TPD52L1: variants seen among roughly 807,000 people sequenced by gnomAD.
TPD52L1 encodes tumor protein D53.
Under a neutral mutation model 28.7 loss-of-function variants are expected in TPD52L1, and 18 were observed. That is an observed-to-expected ratio of 0.63 (90% CI 0.43 to 0.93). The LOEUF (loss-of-function observed/expected upper bound fraction) is 0.93. Among genes scored for constraint, TPD52L1 ranks in the 40% least tolerant of loss-of-function variants. The pLI is 0.00. For synonymous variants in TPD52L1, 75 were observed against 88.8 expected (o/e 0.84, Z 0.88); for missense variants, 203 against 254.8 (o/e 0.80, Z 1.39).
intron 1 of TPD52L1, among the ~76,000 whole-genome samples, chr6:125,165,937 T>C (rs1790873479): frequency 6.6e-6 from 1 of 152,188 alleles, no homozygotes; most frequent in African/African-American, 2.4e-5. Context: ...AATCTCAGTA[T>C]TTTAAAATAA....
At position 125,192,749 on chromosome 6, in the gene TPD52L1, C is replaced by T. The variant is rs190419361; in HGVS notation, c.20-27329C>T. ...TGCTGCATACGGTCGGCTTTGGTGG[C>T]GGGCCTGAGTCTGCACCCAGATGGA... On this transcript the variant is annotated intron_variant, in intron 1 of 6. Transcript: ENST00000534000. Among the ~76,000 whole-genome samples the T allele has an allele frequency of 6.3e-4, 96 of 152,276 alleles. 1 individual carries two copies. Among genetic ancestry groups the T allele is most frequent in the Middle Eastern group, 3.4e-3 (1 of 294 alleles).
intron 3 of TPD52L1, among the ~76,000 whole-genome samples, chr6:125,237,746 C>T (rs1796356459): frequency 6.7e-6 from 1 of 149,438 alleles, no homozygotes; most frequent in African/African-American, 2.5e-5. Context: ...TGGGTTCAAG[C>T]AATTCTCCTG....
intron 1 of TPD52L1, among the ~76,000 whole-genome samples, chr6:125,209,264 C>T (rs1794352735): frequency 6.6e-6 from 1 of 152,208 alleles, no homozygotes. Context: ...TGAACCCAGC[C>T]TCAAACATTG....
intron 3 of TPD52L1, among the ~76,000 whole-genome samples, chr6:125,231,672 GGGATA>G: frequency 6.6e-6 from 1 of 152,174 alleles, no homozygotes; most frequent in South Asian, 2.1e-4. Context: ...ATGGACAAGG[GGGATA>G]GAAAGGATTT....
At chr6:125,236,238 T>A (rs1796255110) in intron 3 of TPD52L1, among the ~76,000 whole-genome samples, 1 of 152,194 alleles carries the variant, frequency 6.6e-6, no homozygotes, top group Non-Finnish European at 1.5e-5. Flanking sequence ...AACACTGCAT[T>A]AAACTACCTG....
chr6:125,178,173 C>T (rs1376016257), intron 1 of TPD52L1, among the ~76,000 whole-genome samples: 2 of 152,140 alleles, frequency 1.3e-5, no homozygotes, highest in Non-Finnish European at 2.9e-5. Flanking sequence ...TATGATTTTG[C>T]TTTATTTATT....
intron 1 of TPD52L1, among the ~76,000 whole-genome samples, chr6:125,209,471 G>C (rs1277674706): frequency 6.6e-6 from 1 of 152,218 alleles, no homozygotes; most frequent in East Asian, 1.9e-4. Context: ...TCTGGCTCTT[G>C]TGGTTGAGCC....
chr6:125,260,977 AAAAGAAAAGAAAGAAAG>A (rs1797953566), intron 6 of TPD52L1: 1 of 43,810 alleles, frequency 2.3e-5, no homozygotes. Flanking sequence ...AGAAAGAAAG[AAAAGAAAAGAAAGAAAG>A]AAAGAAAGAA....
intron 1 of TPD52L1, among the ~76,000 whole-genome samples, chr6:125,159,758 T>A (rs1010007483): frequency 7.3e-6 from 1 of 137,296 alleles, no homozygotes; most frequent in African/African-American, 3.1e-5. Context: ...AGCTGAAGAG[T>A]GGATGTTGTG....
At chr6:125,219,509 C>A (rs1250173032) in intron 1 of TPD52L1, among the ~76,000 whole-genome samples, 1 of 152,220 alleles carries the variant, frequency 6.6e-6, no homozygotes. Context: ...GGTGTGCATT[C>A]AAGTTGCAAG....
At chr6:125,262,763 G>A (rs1798132109) in intron 6 of TPD52L1, 71 bp from the exon 7 acceptor site, 5 of 1,519,536 alleles carry the variant, frequency 3.3e-6, no homozygotes, top group Non-Finnish European at 4.4e-6. Flanking sequence ...CCAGCTTTTG[G>A]TATTCTTATA....
intron 1 of TPD52L1, among the ~76,000 whole-genome samples, chr6:125,164,949 T>C (rs1790778251): frequency 6.6e-6 from 1 of 151,898 alleles, no homozygotes; most frequent in Non-Finnish European, 1.5e-5. Flanking sequence ...CAGTCACTTC[T>C]TCAATTTACT....
chr6:125,176,200 T>G (rs1363085642), intron 1 of TPD52L1, among the ~76,000 whole-genome samples: 1 of 152,262 alleles, frequency 6.6e-6, no homozygotes, highest in Non-Finnish European at 1.5e-5. Context: ...GGTGGCATTT[T>G]CTTTTATAAT....
chr6:125,236,199 T>C (rs890038754), intron 3 of TPD52L1, among the ~76,000 whole-genome samples: 2 of 152,162 alleles, frequency 1.3e-5, no homozygotes, highest in Non-Finnish European at 2.9e-5. Flanking sequence ...ATTAAATAAT[T>C]CTTGGAAATA....
chr6:125,243,065 T>C (rs1049404825), intron 3 of TPD52L1, among the ~76,000 whole-genome samples: 2 of 152,172 alleles, frequency 1.3e-5, no homozygotes, highest in African/African-American at 4.8e-5. Flanking sequence ...AGCTTAGTTT[T>C]GCTGGATACA....
At chr6:125,162,373 A>G (rs924218050) in intron 1 of TPD52L1, among the ~76,000 whole-genome samples, 8 of 152,206 alleles carry the variant, frequency 5.3e-5, no homozygotes, top group African/African-American at 1.9e-4. Flanking sequence ...TTATCTGGGT[A>G]GGCAGAATCT....
intron 1 of TPD52L1, among the ~76,000 whole-genome samples, chr6:125,170,711 C>A (rs1229061934): frequency 1.3e-5 from 2 of 152,118 alleles, no homozygotes; most frequent in East Asian, 3.9e-4. Context: ...ATGAAACTGG[C>A]AGGCCAATGT....
intron 3 of TPD52L1, among the ~76,000 whole-genome samples, chr6:125,237,874 G>T (rs1364702040): frequency 2.0e-5 from 3 of 152,200 alleles, no homozygotes; most frequent in Middle Eastern, 3.4e-3. Flanking sequence ...TTGCCAGGCT[G>T]ATCTCTAACT....
intron 2 of TPD52L1, among the ~76,000 whole-genome samples, chr6:125,227,540 T>A (rs538481216): frequency 1.1e-3 from 174 of 152,246 alleles, no homozygotes; most frequent in African/African-American, 4.0e-3. Context: ...TTAAAAAAAA[T>A]TTAGTAAGAA....
Sources: gnomAD v4.1 joint callset for allele counts (sites outside exome capture counted in the v4.1 genomes callset) on GRCh38, gnomAD v4.1.1 for gene constraint, MANE v1.5 for transcripts, NCBI Gene and HGNC (gene_info 2026-07-23, HGNC 2026-07-21) for gene names.